The following ABCA1 variants were observed in gnomAD, a reference collection of about 807,000 sequenced individuals.
The protein encoded by ABCA1 is phospholipid-transporting ATPase ABCA1.
A neutral mutation model predicts 262.5 loss-of-function variants in ABCA1; 133 were observed. The ratio of observed to expected loss-of-function variants is 0.51; its 90% CI spans 0.44 to 0.59. ABCA1 has a LOEUF of 0.59. Among genes scored for constraint, ABCA1 ranks in the 20% least tolerant of loss-of-function variants. The pLI is 0.00. For synonymous variants in ABCA1, 1,022 were observed against 1,043.5 expected (o/e 0.98, Z 0.40); for missense variants, 2,452 against 2,777.5 (o/e 0.88, Z 2.63).
rs7032574 is a variant in ABCA1 at position 104,828,851 on chromosome 9, C to T, written c.2115+65G>A. ...CTTGGATTTTTTTTCTTCTTCTCCT[C>T]CCTTAGCCCGTGTTGAGCTATTTCG... On this transcript the variant is annotated intron_variant, in intron 15 of 49. Transcript: ENST00000374736. 542 of 1,525,002 alleles carry T rather than the reference C, an allele frequency of 3.6e-4. 1 individual carries two copies. In the African/African-American group the frequency reaches 6.5e-3, roughly 18 times the overall value. The allele number at this position is 1,525,002 out of a possible 1,614,324, so 94.5% of individuals were successfully genotyped here.
intron 7 of ABCA1, among the ~76,000 whole-genome samples, chr9:104,853,879 T>C (rs1835602007): frequency 6.6e-6 from 1 of 152,190 alleles, no homozygotes; most frequent in Non-Finnish European, 1.5e-5. Flanking sequence ...GCAGACTGAA[T>C]ATCCCCTGCA....
intron 5 of ABCA1, among the ~76,000 whole-genome samples, chr9:104,877,550 A>G (rs1838263138): frequency 6.6e-6 from 1 of 152,270 alleles, no homozygotes; most frequent in African/African-American, 2.4e-5. Context: ...AGGCAAAGAA[A>G]CTTAAGGCCC....
intron 5 of ABCA1, among the ~76,000 whole-genome samples, chr9:104,868,262 G>A (rs1281548015): frequency 1.3e-5 from 2 of 152,222 alleles, no homozygotes; most frequent in Non-Finnish European, 1.5e-5. Flanking sequence ...AGGAAGCTGA[G>A]GCAGGAGAAT....
intron 7 of ABCA1, among the ~76,000 whole-genome samples, chr9:104,857,470 G>A (rs553562382): frequency 2.0e-5 from 3 of 152,242 alleles, no homozygotes; most frequent in African/African-American, 7.2e-5. Context: ...GACCTCACGT[G>A]ATCTGCCCGC....
chr9:104,811,666 C>T (rs1831292532), intron 28 of ABCA1, among the ~76,000 whole-genome samples: 1 of 152,140 alleles, frequency 6.6e-6, no homozygotes, highest in Non-Finnish European at 1.5e-5. Flanking sequence ...ATAATGCCCC[C>T]AATTCTAATG....
At chr9:104,829,210 T>C in intron 14 of ABCA1, 72 bp from the exon 15 acceptor site, 7 of 1,479,838 alleles carry the variant, frequency 4.7e-6, no homozygotes, top group Non-Finnish European at 5.6e-6. Flanking sequence ...CCAAGGCCTC[T>C]GAGCCTGCAT....
intron 46 of ABCA1, among the ~76,000 whole-genome samples, chr9:104,787,181 A>G (rs1278827095): frequency 6.6e-6 from 1 of 152,204 alleles, no homozygotes; most frequent in Non-Finnish European, 1.5e-5. Flanking sequence ...TGATGCAGGA[A>G]ACTCAAATAT....
chr9:104,875,351 CAAAAAAA>C (rs749025515), intron 5 of ABCA1, among the ~76,000 whole-genome samples: 1 of 63,994 alleles, frequency 1.6e-5, no homozygotes, highest in South Asian at 5.8e-4. Context: ...GACTCCATCT[CAAAAAAA>C]AAAAAAAAAA....
chr9:104,822,674 C>T lies in ABCA1; in HGVS notation c.2657-7G>A. On this transcript the variant is annotated splice_region_variant and splice_polypyrimidine_tract_variant and intron_variant, in intron 18 of 49. Coordinates refer to ENST00000374736, the MANE Select transcript of ABCA1 (RefSeq NM_005502.4). ...GGTTCCTCCTCCATGCAGACTGTGA[C>T]AGGAGAGAAGACAGAAATGAACCCA... 2 of 1,613,952 alleles carry T rather than the reference C, an allele frequency of 1.2e-6. No homozygotes were observed. Among genetic ancestry groups the T allele is most frequent in the Non-Finnish European group, 1.7e-6 (2 of 1,179,992 alleles).
At chr9:104,802,228 G>A (rs1830401276) in intron 33 of ABCA1, 69 bp from the exon 34 acceptor site, 2 of 1,388,116 alleles carry the variant, frequency 1.4e-6, no homozygotes, top group Admixed American at 1.7e-5. Context: ...CAGACTCAGT[G>A]CGAGTGTGTA....
chr9:104,912,047 A>C (rs1307209787), intron 1 of ABCA1, among the ~76,000 whole-genome samples: 1 of 152,364 alleles, frequency 6.6e-6, no homozygotes, highest in East Asian at 1.9e-4. Flanking sequence ...CAATAAGATA[A>C]TAGGTAACTG....
chr9:104,845,918 C>A (rs908823856), intron 7 of ABCA1, among the ~76,000 whole-genome samples: 2 of 151,998 alleles, frequency 1.3e-5, no homozygotes, highest in Non-Finnish European at 2.9e-5. Context: ...ATGGGTAATA[C>A]GGGAATGGCT....
At chr9:104,858,476 G>T in intron 7 of ABCA1, 46 bp downstream of exon 7, 1 of 1,589,522 alleles carries the variant, frequency 6.3e-7, no homozygotes, top group Non-Finnish European at 8.6e-7. Flanking sequence ...CTCACATTCC[G>T]AAAGCATTAG....
intron 1 of ABCA1, among the ~76,000 whole-genome samples, chr9:104,914,268 G>A (rs1417567432): frequency 6.6e-6 from 1 of 151,622 alleles, no homozygotes; most frequent in Admixed American, 6.6e-5. Flanking sequence ...CCTGAGGTCA[G>A]AAGTTCGAGA....
rs1836628479 is a variant in ABCA1 at position 104,862,659 on chromosome 9, C to CGGGCAGGGCA, written c.422-860_422-859insTGCCCTGCCC. Among the ~76,000 whole-genome samples the CGGGCAGGGCA allele has an allele frequency of 8.4e-3, 83 of 9,848 alleles. 14 individuals carry two copies. Among genetic ancestry groups the CGGGCAGGGCA allele is most frequent in the East Asian group, 0.024 (6 of 246 alleles). The allele number at this position is 9,848 out of a possible 152,430, so 6.5% of individuals were successfully genotyped here. A position where few individuals can be genotyped will look rare whatever the true frequency, so the allele number is the denominator to read the frequency against. ...CGGGCCGGGCCGGGCCGGGCCGGGC[C>CGGGCAGGGCA]GGGCCGGGCCGGGCCGGGCCGGGCC... On this transcript the variant is annotated intron_variant, in intron 5 of 49. Coordinates refer to ENST00000374736, the MANE Select transcript of ABCA1 (RefSeq NM_005502.4).
At chr9:104,812,121 A>G (rs1831330291) in intron 28 of ABCA1, among the ~76,000 whole-genome samples, 1 of 152,234 alleles carries the variant, frequency 6.6e-6, no homozygotes, top group East Asian at 1.9e-4. Flanking sequence ...ACATCAACTC[A>G]GAGAAAAATC....
chr9:104,890,023 C>T (rs1331578315), intron 2 of ABCA1, among the ~76,000 whole-genome samples: 6 of 152,152 alleles, frequency 3.9e-5, no homozygotes, highest in East Asian at 1.9e-4. Flanking sequence ...AATTAGCAGA[C>T]GGACAAGATG....
At chr9:104,875,459 G>C (rs1283053368) in intron 5 of ABCA1, among the ~76,000 whole-genome samples, 1 of 152,112 alleles carries the variant, frequency 6.6e-6, no homozygotes, top group Non-Finnish European at 1.5e-5. Context: ...GCTGAAGGGA[G>C]AGAGAAACTC....
Position 104,816,237 on chromosome 9 carries a change from T to A in ABCA1, c.3644A>T (p.Glu1215Val), listed in dbSNP as rs546250481. The change falls in exon 25 of 50, where the codon GAG (glutamate) becomes GTG (valine). Residue 1215 changes from glutamate to valine, a missense_variant. By Grantham distance (121) the Glu-to-Val change is moderately radical (BLOSUM62 -2). Around this residue, in one of 4 missense-constraint regions of ABCA1, gnomAD observed 665 missense variants for 727.3 expected, o/e 0.91. Transcript: ENST00000374736. ...TYVLPYEAAK[E>V]GAFVELFHEI... ...ATGAAAGAGTTCCACAAAGGCTCCC[T>A]CCTTAGCAGCTTCATATGGCAGCAC... 1 of 1,614,130 alleles carries A rather than the reference T, an allele frequency of 6.2e-7. No homozygotes were observed. Among genetic ancestry groups the A allele is most frequent in the South Asian group, 1.1e-5 (1 of 91,076 alleles).
Sources: allele counts gnomAD v4.1 joint callset (sites outside exome capture counted in the v4.1 genomes callset), GRCh38; gene constraint gnomAD v4.1.1; regional missense constraint gnomAD v4.1.1; transcripts MANE v1.5; gene names NCBI Gene and HGNC (gene_info 2026-07-23, HGNC 2026-07-21).